NARS2: variants seen among roughly 807,000 people sequenced by gnomAD.
NARS2 encodes asparaginyl-tRNA synthetase.
NARS2 carries 60 observed loss-of-function variants against 62.9 expected under a neutral mutation model. That is an observed-to-expected ratio of 0.95 (90% CI 0.77 to 1.18). The LOEUF is 1.18. Among genes scored for constraint, NARS2 ranks in the 50% most tolerant of loss-of-function variants. The pLI is 0.00. For missense variants in NARS2, 619 were observed against 576.4 expected (o/e 1.07, Z -0.76); for synonymous variants, 196 against 200.0 (o/e 0.98, Z 0.17).
intron 4 of NARS2, among the ~76,000 whole-genome samples, chr11:78,563,869 T>C (rs1194580485): frequency 3.2e-3 from 64 of 19,732 alleles, no homozygotes; most frequent in Non-Finnish European, 9.9e-3. Context: ...TATATATATA[T>C]GTATACACAC....
intron 7 of NARS2, among the ~76,000 whole-genome samples, chr11:78,479,831 A>C (rs1184915178): frequency 4.6e-5 from 7 of 152,228 alleles, no homozygotes; most frequent in Admixed American, 2.6e-4. Context: ...TAATATAACC[A>C]GATATAGGAA....
chr11:78,493,169 C>G lies in NARS2; in HGVS notation c.716G>C (p.Gly239Ala), dbSNP rs749578567. The part of the protein sequence containing the change: ...SGAFTQVFTF[G>A]PTFRAENSQS... ...AGAATTTTCAGCTCGGAAGGTCGGACCAAAGGTAAACACTTGAGTAAAAGC... is the reference window on the plus strand; with the variant it reads ...AGAATTTTCAGCTCGGAAGGTCGGAGCAAAGGTAAACACTTGAGTAAAAGC... The change falls in exon 7 of 14, where the codon GGT becomes GCT. Residue 239 changes from glycine (G) to alanine (A), a missense_variant. By Grantham distance (60) the Gly-to-Ala change is moderately conservative. Coordinates refer to ENST00000281038, the MANE Select transcript of NARS2 (RefSeq NM_024678.6). The G allele has an allele frequency of 1.2e-6, 2 of 1,613,714 alleles. No individual in the cohort carries two copies. Among genetic ancestry groups the G allele is most frequent in the Admixed American group, 3.3e-5 (2 of 59,952 alleles).
intron 11 of NARS2, among the ~76,000 whole-genome samples, chr11:78,455,884 C>T (rs4944200): frequency 6.6e-6 from 1 of 150,580 alleles, no homozygotes; most frequent in Non-Finnish European, 1.5e-5. Flanking sequence ...GGCACATACT[C>T]GATAAACATT....
At chr11:78,457,796 CAACACACACA>C (rs1455219763) in intron 11 of NARS2, among the ~76,000 whole-genome samples, 1 of 124,538 alleles carries the variant, frequency 8.0e-6, no homozygotes, top group African/African-American at 4.1e-5. Context: ...TATTATGTAA[CAACACACACA>C]CACACACACA....
intron 7 of NARS2, among the ~76,000 whole-genome samples, chr11:78,480,046 G>C (rs1294956207): frequency 6.6e-6 from 1 of 152,038 alleles, no homozygotes; most frequent in East Asian, 1.9e-4. Context: ...CCACAGGCAT[G>C]CATCACCACA....
chr11:78,485,884 T>C (rs1859551983), intron 7 of NARS2, among the ~76,000 whole-genome samples: 1 of 152,146 alleles, frequency 6.6e-6, no homozygotes, highest in African/African-American at 2.4e-5. Context: ...TTATTACTAC[T>C]ATTTTTTGAG....
At chr11:78,459,358 C>T (rs1403574425) in intron 11 of NARS2, among the ~76,000 whole-genome samples, 1 of 150,980 alleles carries the variant, frequency 6.6e-6, no homozygotes, top group Non-Finnish European at 1.5e-5. Context: ...GCAACCTCTG[C>T]CTCTCGGGTT....
At chr11:78,495,312 G>T (rs1245878240) in intron 6 of NARS2, among the ~76,000 whole-genome samples, 1 of 151,932 alleles carries the variant, frequency 6.6e-6, no homozygotes, top group African/African-American at 2.4e-5. Flanking sequence ...TCCCTACCCT[G>T]TATTGCCTCC....
At chr11:78,523,066 A>G (rs1861185232) in intron 6 of NARS2, among the ~76,000 whole-genome samples, 1 of 152,248 alleles carries the variant, frequency 6.6e-6, no homozygotes. Flanking sequence ...CAGAATATAT[A>G]AAGAACTCTC....
At chr11:78,459,853 G>A (rs1163686416) in intron 11 of NARS2, among the ~76,000 whole-genome samples, 1 of 152,182 alleles carries the variant, frequency 6.6e-6, no homozygotes, top group East Asian at 1.9e-4. Context: ...ACTGTTAAAG[G>A]TTATGATGGA....
At chr11:78,504,888 C>G (rs997110281) in intron 6 of NARS2, among the ~76,000 whole-genome samples, 14 of 152,080 alleles carry the variant, frequency 9.2e-5, no homozygotes, top group Admixed American at 9.2e-4. Context: ...TAACTGTTAT[C>G]AGCCCTCCCT....
chr11:78,521,059 CA>C (rs1254790630), intron 6 of NARS2, among the ~76,000 whole-genome samples: 14 of 139,244 alleles, frequency 1.0e-4, no homozygotes, highest in Admixed American at 2.2e-4. Flanking sequence ...ACTCTGTCTC[CA>C]AAAAAAAAAA....
chr11:78,539,401 T>G (rs1855522701), intron 5 of NARS2, among the ~76,000 whole-genome samples: 2 of 152,110 alleles, frequency 1.3e-5, no homozygotes, highest in Non-Finnish European at 2.9e-5. Flanking sequence ...ATTTTTTACT[T>G]AAGCAAATGA....
intron 5 of NARS2, among the ~76,000 whole-genome samples, chr11:78,537,219 G>A (rs2135449832): frequency 6.6e-6 from 1 of 152,310 alleles, no homozygotes; most frequent in South Asian, 2.1e-4. Flanking sequence ...GAGAGAGTGT[G>A]TGTGTGTGTT....
At position 78,441,083 on chromosome 11, in the gene NARS2, A is replaced by G. The variant is rs754677262; in HGVS notation, c.1289+8T>C. 1.2e-6 allele frequency: 2 copies of G among 1,612,052 alleles called. No individual in the cohort carries two copies. Among genetic ancestry groups the G allele is most frequent in the East Asian group, 4.5e-5 (2 of 44,864 alleles). On this transcript the variant is annotated splice_region_variant and intron_variant, in intron 13 of 13. Transcript: ENST00000281038. Reference sequence around the variant, plus strand: ...TAGAGTAAGAATTATTAGGGGCCACATTCTTACCATTGGTAGACTTCTGTA... The same window carrying G: ...TAGAGTAAGAATTATTAGGGGCCACGTTCTTACCATTGGTAGACTTCTGTA...
At chr11:78,462,184 G>A (rs889978866) in intron 11 of NARS2, among the ~76,000 whole-genome samples, 1 of 152,122 alleles carries the variant, frequency 6.6e-6, no homozygotes, top group Non-Finnish European at 1.5e-5. Flanking sequence ...AAAAATACAT[G>A]GTGTGTGTGT....
chr11:78,471,847 C>T (rs952818187), intron 9 of NARS2, among the ~76,000 whole-genome samples: 3 of 152,022 alleles, frequency 2.0e-5, no homozygotes, highest in Non-Finnish European at 2.9e-5. Flanking sequence ...ATCCACGTCC[C>T]TACAAAGGAC....
intron 12 of NARS2, among the ~76,000 whole-genome samples, chr11:78,442,712 A>T (rs1012572529): frequency 5.3e-5 from 8 of 152,220 alleles, no homozygotes; most frequent in Non-Finnish European, 1.2e-4. Context: ...ATTATGGCAT[A>T]TAAATGTATA....
At position 78,566,280 on chromosome 11, in the gene NARS2, TA is replaced by T; in HGVS notation, c.373-9del. ...ATATTTGATGGGGAAATCCTGCCAA[TA>T]AATGAAAAGAACAAATTAGAAGTCA... On this transcript the variant is annotated splice_polypyrimidine_tract_variant and intron_variant, in intron 3 of 13. Coordinates refer to ENST00000281038, the MANE Select transcript of NARS2 (RefSeq NM_024678.6). 6.4e-7 allele frequency: 1 copy of T among 1,571,212 alleles called. No homozygotes were observed. Among genetic ancestry groups the T allele is most frequent in the Non-Finnish European group, 8.6e-7 (1 of 1,157,482 alleles).
Sources: gnomAD v4.1 joint callset for allele counts (sites outside exome capture counted in the v4.1 genomes callset) on GRCh38, gnomAD v4.1.1 for gene constraint, MANE v1.5 for transcripts, NCBI Gene and HGNC (gene_info 2026-07-23, HGNC 2026-07-21) for gene names.